The following STAG1 variants were observed in gnomAD, a reference collection of about 807,000 sequenced individuals.
The protein encoded by STAG1 is cohesin subunit SA-1.
STAG1 carries 26 observed loss-of-function variants against 170.9 expected under a neutral mutation model. That is an observed-to-expected ratio of 0.15 (90% CI 0.11 to 0.21). STAG1 has a LOEUF of 0.21. Ranked by LOEUF, STAG1 falls within the 10% of genes least tolerant of loss-of-function variation. The probability of loss-of-function intolerance (pLI) is 1.00; values close to 1 mark genes in which losing one functional copy is unlikely to be tolerated. For synonymous variants in STAG1, 514 were observed against 497.7 expected (o/e 1.03, Z -0.44); for missense variants, 964 against 1,509.5 (o/e 0.64, Z 5.99).
chr3:136,519,617 C>A (rs1202938772), intron 7 of STAG1, among the ~76,000 whole-genome samples: 1 of 147,194 alleles, frequency 6.8e-6, no homozygotes, highest in African/African-American at 2.5e-5. Context: ...AGAAGTAAGA[C>A]GAAAAGGAAC....
At chr3:136,349,801 G>A (rs1266450714) in intron 28 of STAG1, among the ~76,000 whole-genome samples, 2 of 152,116 alleles carry the variant, frequency 1.3e-5, no homozygotes, top group East Asian at 1.9e-4. Context: ...ATAAAATACC[G>A]TAATTTAAAG....
At chr3:136,615,944 G>A (rs1939572110) in intron 3 of STAG1, among the ~76,000 whole-genome samples, 1 of 152,060 alleles carries the variant, frequency 6.6e-6, no homozygotes, top group African/African-American at 2.4e-5. Context: ...ATAAAGGACA[G>A]ATGTGGAAGA....
At chr3:136,387,177 A>G (rs886435079) in intron 22 of STAG1, among the ~76,000 whole-genome samples, 1 of 152,254 alleles carries the variant, frequency 6.6e-6, no homozygotes, top group African/African-American at 2.4e-5. Context: ...GATAGTAAAT[A>G]TTTTAGGCTT....
chr3:136,376,005 T>TTAACAAAATAAAATAAAATAAAATA (rs1937584614), intron 23 of STAG1, among the ~76,000 whole-genome samples: 5 of 63,940 alleles, frequency 7.8e-5, no homozygotes, highest in South Asian at 6.7e-4. Context: ...AATAAATAAA[T>TTAACAAAATAAAATAAAATAAAATA]AAATAATTAA....
intron 25 of STAG1, among the ~76,000 whole-genome samples, chr3:136,366,474 T>G (rs1423497612): frequency 6.6e-6 from 1 of 152,152 alleles, no homozygotes; most frequent in African/African-American, 2.4e-5. Flanking sequence ...TTGTTCAGCA[T>G]AATATGATAA....
chr3:136,485,190 G>A lies in STAG1; in HGVS notation c.903-7778C>T, dbSNP rs535068074. On this transcript the variant is annotated intron_variant, in intron 9 of 33. Coordinates refer to ENST00000383202, the MANE Select transcript of STAG1 (RefSeq NM_005862.3). ...GTAGCTCTACTGGCCAGGCACAGTG[G>A]CTCACGCCTGTAATCCCAGCACTTT... Among the ~76,000 whole-genome samples the A allele has an allele frequency of 2.8e-4, 43 of 152,284 alleles. No individual in the cohort carries two copies. In the South Asian group the frequency reaches 8.7e-3, roughly 31 times the overall value.
At chr3:136,668,622 G>C (rs1941889713) in intron 1 of STAG1, among the ~76,000 whole-genome samples, 2 of 151,908 alleles carry the variant, frequency 1.3e-5, no homozygotes, top group Admixed American at 6.6e-5. Flanking sequence ...GGAAGGAGGG[G>C]AAATCAGGAA....
Position 136,439,962 on chromosome 3 carries a change from T to C in STAG1, c.1546+3325A>G, listed in dbSNP as rs181464180. ...TTAAAAAATCCAATGTAAACAGAATTTAAACCACAATGAAACACCTAATAG... is the reference window on the plus strand; with the variant it reads ...TTAAAAAATCCAATGTAAACAGAATCTAAACCACAATGAAACACCTAATAG... On this transcript the variant is annotated intron_variant, in intron 15 of 33. Coordinates refer to ENST00000383202, the MANE Select transcript of STAG1 (RefSeq NM_005862.3). Among the ~76,000 whole-genome samples the C allele has an allele frequency of 3.9e-5, 6 of 152,142 alleles. No individual in the cohort carries two copies. The East Asian group carries it at 9.7e-4, about 25-fold the overall frequency.
intron 22 of STAG1, among the ~76,000 whole-genome samples, chr3:136,389,837 CTT>C (rs112909394): frequency 1.4e-5 from 2 of 138,538 alleles, no homozygotes; most frequent in African/African-American, 2.6e-5. Flanking sequence ...ATTTTTTTTT[CTT>C]TTTTTTTTTT....
chr3:136,685,209 G>C lies in STAG1; in HGVS notation c.-83-54228C>G, dbSNP rs145618864. 3.9e-3 allele frequency among the ~76,000 whole-genome samples: 596 copies of C among 152,116 alleles called. 2 individuals are homozygous for C. Among genetic ancestry groups the C allele is most frequent in the Middle Eastern group, 0.031 (9 of 294 alleles). Reference sequence around the variant, plus strand: ...CACACACCTGTAATCCCAGCTACTCGGGAGGCTGAGGCATGACAATTGCTT... The same window carrying C: ...CACACACCTGTAATCCCAGCTACTCCGGAGGCTGAGGCATGACAATTGCTT... On this transcript the variant is annotated intron_variant, in intron 1 of 33. Coordinates refer to ENST00000383202, the MANE Select transcript of STAG1 (RefSeq NM_005862.3).
At chr3:136,681,736 C>T (rs1005875681) in intron 1 of STAG1, among the ~76,000 whole-genome samples, 2 of 151,944 alleles carry the variant, frequency 1.3e-5, no homozygotes, top group Admixed American at 1.3e-4. Flanking sequence ...GATGATCCAA[C>T]GTATGAAAAT....
chr3:136,354,753 C>CAAAAAAAAAAAAAAAA (rs1469138728), intron 28 of STAG1, among the ~76,000 whole-genome samples: 1 of 622 alleles, frequency 1.6e-3, no homozygotes, highest in Non-Finnish European at 3.1e-3. Context: ...GGAGAAAGAA[C>CAAAAAAAAAAAAAAAA]CAAAAAAAAA....
At chr3:136,745,559 A>T (rs1015582288) in intron 1 of STAG1, among the ~76,000 whole-genome samples, 1 of 152,160 alleles carries the variant, frequency 6.6e-6, no homozygotes, top group Admixed American at 6.5e-5. Context: ...TTCACAATAG[A>T]ATTTGCACTC....
At chr3:136,635,913 T>C (rs766305584) in intron 1 of STAG1, among the ~76,000 whole-genome samples, 12 of 152,236 alleles carry the variant, frequency 7.9e-5, no homozygotes, top group South Asian at 6.2e-4. Flanking sequence ...TCCAACAAAA[T>C]ACGTAGAATC....
chr3:136,661,248 T>C (rs1460123891), intron 1 of STAG1, among the ~76,000 whole-genome samples: 1 of 152,196 alleles, frequency 6.6e-6, no homozygotes, highest in Non-Finnish European at 1.5e-5. Flanking sequence ...CTCTAGATGG[T>C]AGAAAATATA....
At chr3:136,726,169 T>C (rs772932819) in intron 1 of STAG1, among the ~76,000 whole-genome samples, 1 of 152,140 alleles carries the variant, frequency 6.6e-6, no homozygotes, top group African/African-American at 2.4e-5. Flanking sequence ...TTTGGGCCAA[T>C]AGTTGTTTAC....
chr3:136,512,354 G>A (rs1226541670), intron 7 of STAG1, among the ~76,000 whole-genome samples: 2 of 152,088 alleles, frequency 1.3e-5, no homozygotes, highest in Non-Finnish European at 2.9e-5. Context: ...GACACCATCA[G>A]CTATTAGAAG....
chr3:136,457,187 G>A (rs559379525), intron 13 of STAG1, among the ~76,000 whole-genome samples: 19 of 151,996 alleles, frequency 1.3e-4, no homozygotes, highest in African/African-American at 3.4e-4. Context: ...CTGCCCTGCC[G>A]CACCACAAAT....
chr3:136,703,314 C>T (rs576541605), intron 1 of STAG1, among the ~76,000 whole-genome samples: 7 of 152,300 alleles, frequency 4.6e-5, no homozygotes, highest in Admixed American at 2.0e-4. Flanking sequence ...TACCATCCCC[C>T]ATTCACCAGC....
Sources: gnomAD v4.1 joint callset for allele counts (sites outside exome capture counted in the v4.1 genomes callset) on GRCh38, gnomAD v4.1.1 for gene constraint, MANE v1.5 for transcripts, NCBI Gene and HGNC (gene_info 2026-07-23, HGNC 2026-07-21) for gene names.